Variants in ROBO2 observed in about 807,000 individuals in gnomAD.
The protein encoded by ROBO2 is roundabout guidance receptor 2.
ROBO2 carries 53 observed loss-of-function variants against 160.8 expected under a neutral mutation model. That is an observed-to-expected ratio of 0.33 (90% CI 0.26 to 0.41). ROBO2 has a LOEUF of 0.41. Ranked by LOEUF, ROBO2 falls within the 10% of genes least tolerant of loss-of-function variation. The pLI, the probability that ROBO2 is intolerant of heterozygous loss-of-function variation, is 1.00. For synonymous variants in ROBO2, 664 were observed against 611.7 expected (o/e 1.09, Z -1.26); for missense variants, 1,577 against 1,722.4 (o/e 0.92, Z 1.49).
At chr3:77,167,983 A>G (rs2150713148) in intron 2 of ROBO2, among the ~76,000 whole-genome samples, 1 of 152,362 alleles carries the variant, frequency 6.6e-6, no homozygotes, top group East Asian at 1.9e-4. Flanking sequence ...GATCAGAGAC[A>G]TGAAATTTGC....
intron 2 of ROBO2, among the ~76,000 whole-genome samples, chr3:76,882,840 G>A (rs1437158384): frequency 6.6e-6 from 1 of 152,076 alleles, no homozygotes; most frequent in Admixed American, 6.6e-5. Context: ...TTGCATAGAA[G>A]CTTTAAGCTA....
At chr3:77,146,824 C>T (rs7613086) in intron 2 of ROBO2, among the ~76,000 whole-genome samples, 11,866 of 151,946 alleles carry the variant, frequency 0.078, 1,084 homozygotes, top group East Asian at 0.21. Flanking sequence ...AAAAATTAGC[C>T]GGGTGTGGTG....
At chr3:77,584,324 A>G (rs1214764416) in intron 16 of ROBO2, among the ~76,000 whole-genome samples, 7 of 152,210 alleles carry the variant, frequency 4.6e-5, no homozygotes, top group African/African-American at 1.7e-4. Context: ...TCCTCTGGTA[A>G]AGCGCCGTTC....
At chr3:77,270,128 G>T (rs1252530206) in intron 2 of ROBO2, among the ~76,000 whole-genome samples, 2 of 152,242 alleles carry the variant, frequency 1.3e-5, no homozygotes, top group East Asian at 3.9e-4. Flanking sequence ...GCTATAATGA[G>T]TTCATACTCC....
intron 6 of ROBO2, among the ~76,000 whole-genome samples, chr3:77,535,089 C>T (rs1021401453): frequency 6.6e-6 from 1 of 152,160 alleles, no homozygotes; most frequent in Non-Finnish European, 1.5e-5. Flanking sequence ...TGGTGACTTA[C>T]TAAGCGTGTA....
intron 2 of ROBO2, among the ~76,000 whole-genome samples, chr3:76,917,097 G>T (rs912838374): frequency 3.3e-5 from 5 of 152,126 alleles, no homozygotes; most frequent in African/African-American, 1.2e-4. Flanking sequence ...AACCAAGGCT[G>T]GGCTCATGGA....
At chr3:77,562,795 A>G (rs1251912077) in intron 10 of ROBO2, 63 bp downstream of exon 11, 1 of 1,157,616 alleles carries the variant, frequency 8.6e-7, no homozygotes, top group Non-Finnish European at 1.3e-6. Context: ...ATATCAAATA[A>G]TAAGTTAAGG....
chr3:77,348,701 G>A (rs2067957130), intron 2 of ROBO2, among the ~76,000 whole-genome samples: 1 of 152,076 alleles, frequency 6.6e-6, no homozygotes, highest in Admixed American at 6.6e-5. Context: ...CTAAAGTCAA[G>A]CAAGCACTAT....
intron 2 of ROBO2, among the ~76,000 whole-genome samples, chr3:76,008,406 G>A (rs2066092729): frequency 6.6e-6 from 1 of 151,784 alleles, no homozygotes; most frequent in Admixed American, 6.6e-5. Context: ...AAACCCTTGG[G>A]GTAAACTCCA....
chr3:76,485,748 C>T (rs367932869), intron 2 of ROBO2, among the ~76,000 whole-genome samples: 1 of 152,090 alleles, frequency 6.6e-6, no homozygotes, highest in Admixed American at 6.5e-5. Context: ...CAAAATTTTG[C>T]TTTTTATAAT....
intron 2 of ROBO2, among the ~76,000 whole-genome samples, chr3:76,122,068 A>T (rs2108293387): frequency 6.6e-6 from 1 of 152,336 alleles, no homozygotes; most frequent in Non-Finnish European, 1.5e-5. Flanking sequence ...ATGCAAAAAC[A>T]CTGCATGCTC....
In ROBO2 at chr3:76,321,500, AAAC is replaced by A. The variant is rs78497819; in HGVS notation, c.109+383920_109+383922del. The stretch of plus-strand genomic sequence containing the variant: ...CAACAGAGCGAGGCTCCATCTCAAA[AAAC>A]AACAACAACAACAACAACAACTATA... On this transcript the variant is annotated intron_variant, in intron 2 of 26. Transcript: ENST00000487694. 5.3e-5 allele frequency among the ~76,000 whole-genome samples: 8 copies of A among 150,432 alleles called. No individual in the cohort carries two copies. The South Asian group carries it at 6.3e-4, about 12-fold the overall frequency.
chr3:76,093,293 T>G (rs959744111), intron 2 of ROBO2, among the ~76,000 whole-genome samples: 1 of 152,054 alleles, frequency 6.6e-6, no homozygotes, highest in Non-Finnish European at 1.5e-5. Context: ...GGGTGTTCTT[T>G]CTTTTCTATA....
chr3:76,831,605 C>T (rs561093369), intron 2 of ROBO2, among the ~76,000 whole-genome samples: 6 of 152,196 alleles, frequency 3.9e-5, no homozygotes, highest in South Asian at 2.1e-4. Flanking sequence ...AGGAGACCAG[C>T]GCAGCCATTT....
intron 2 of ROBO2, among the ~76,000 whole-genome samples, chr3:77,420,837 A>T (rs1324902435): frequency 6.6e-6 from 1 of 152,138 alleles, no homozygotes; most frequent in Non-Finnish European, 1.5e-5. Context: ...CCCTTATCAA[A>T]TGCTATATCA....
intron 2 of ROBO2, among the ~76,000 whole-genome samples, chr3:76,151,833 C>T (rs1021544270): frequency 6.6e-6 from 1 of 151,992 alleles, no homozygotes; most frequent in South Asian, 2.1e-4. Flanking sequence ...TCATCATCAT[C>T]GGAAGGAAAT....
intron 2 of ROBO2, among the ~76,000 whole-genome samples, chr3:76,057,964 T>G (rs2067911879): frequency 6.6e-6 from 1 of 152,168 alleles, no homozygotes; most frequent in African/African-American, 2.4e-5. Context: ...ATCACTGCCT[T>G]TACCGTGTGT....
At chr3:76,274,642 G>A (rs1707811653) in intron 2 of ROBO2, among the ~76,000 whole-genome samples, 1 of 151,934 alleles carries the variant, frequency 6.6e-6, no homozygotes, top group Non-Finnish European at 1.5e-5. Flanking sequence ...TTTGAGACCA[G>A]TCTGGCCAGA....
chr3:76,258,642 T>A (rs1302293789), intron 2 of ROBO2, among the ~76,000 whole-genome samples: 1 of 152,066 alleles, frequency 6.6e-6, no homozygotes, highest in African/African-American at 2.4e-5. Context: ...TGTTCATTGA[T>A]CATTTCTTCA....
Sources: gnomAD v4.1 joint callset for allele counts (sites outside exome capture counted in the v4.1 genomes callset) on GRCh38, gnomAD v4.1.1 for gene constraint, MANE v1.5 for transcripts, NCBI Gene and HGNC (gene_info 2026-07-23, HGNC 2026-07-21) for gene names.